GRID1: variants seen among roughly 807,000 people sequenced by gnomAD.
GRID1 encodes glutamate receptor ionotropic, delta-1.
Under a neutral mutation model 98.0 loss-of-function variants are expected in GRID1, and 28 were observed. The observed-to-expected ratio is 0.29, with a 90% confidence interval of 0.21 to 0.39. The LOEUF is 0.39. Among genes scored for constraint, GRID1 ranks in the 10% least tolerant of loss-of-function variants. The probability of loss-of-function intolerance (pLI) is 1.00; values close to 1 mark genes in which losing one functional copy is unlikely to be tolerated. For missense variants in GRID1, 1,111 were observed against 1,340.5 expected (o/e 0.83, Z 2.67); for synonymous variants, 553 against 538.5 (o/e 1.03, Z -0.37).
chr10:85,626,755 T>C (rs1842918897), intron 13 of GRID1, among the ~76,000 whole-genome samples: 1 of 152,148 alleles, frequency 6.6e-6, no homozygotes, highest in African/African-American at 2.4e-5. Context: ...CAGTGTTACC[T>C]GTATTATGTA....
At chr10:86,157,965 G>A (rs1845269305) in intron 3 of GRID1, among the ~76,000 whole-genome samples, 1 of 152,214 alleles carries the variant, frequency 6.6e-6, no homozygotes, top group African/African-American at 2.4e-5. Flanking sequence ...TGAGCCCCTG[G>A]AGCATGGAAC....
intron 12 of GRID1, among the ~76,000 whole-genome samples, chr10:85,667,409 A>G (rs1293608668): frequency 6.6e-6 from 1 of 152,244 alleles, no homozygotes; most frequent in Admixed American, 6.5e-5. Flanking sequence ...AAAAAAGAAT[A>G]AACACAAACA....
intron 8 of GRID1, among the ~76,000 whole-genome samples, chr10:85,733,070 T>C (rs546653598): frequency 2.0e-5 from 3 of 152,334 alleles, no homozygotes; most frequent in Non-Finnish European, 4.4e-5. Flanking sequence ...GTACACAGAA[T>C]GTCAATAGAT....
intron 4 of GRID1, among the ~76,000 whole-genome samples, chr10:86,073,566 A>T (rs1478192298): frequency 6.6e-6 from 1 of 152,180 alleles, no homozygotes; most frequent in Non-Finnish European, 1.5e-5. Context: ...GGAATGATCC[A>T]GGGGGTGAAG....
At chr10:86,125,556 G>A (rs1484979542) in intron 4 of GRID1, among the ~76,000 whole-genome samples, 1 of 152,224 alleles carries the variant, frequency 6.6e-6, no homozygotes, top group Non-Finnish European at 1.5e-5. Flanking sequence ...AAAAGAACAT[G>A]AGCTTCTGGC....
intron 8 of GRID1, among the ~76,000 whole-genome samples, chr10:85,759,286 G>A (rs3011703): frequency 0.61 from 93,012 of 151,930 alleles, 29,141 homozygotes; most frequent in East Asian, 0.87. Context: ...ATCCCAGTAT[G>A]ATGGACCATA....
At chr10:86,052,730 G>A (rs559889483) in intron 4 of GRID1, among the ~76,000 whole-genome samples, 2 of 152,286 alleles carry the variant, frequency 1.3e-5, no homozygotes, top group South Asian at 2.1e-4. Context: ...CAAACTCTGT[G>A]GAACTAAAGC....
intron 12 of GRID1, among the ~76,000 whole-genome samples, chr10:85,720,673 G>GA (rs138759929): frequency 0.034 from 4,960 of 144,406 alleles, 122 homozygotes; most frequent in Middle Eastern, 0.051. Context: ...GAAAAGAAGA[G>GA]AAAAAAAAAC....
intron 4 of GRID1, among the ~76,000 whole-genome samples, chr10:86,088,360 C>T (rs1456705566): frequency 2.0e-5 from 3 of 152,134 alleles, no homozygotes; most frequent in African/African-American, 7.2e-5. Flanking sequence ...AAATAAATAT[C>T]CCCCACTTGA....
In GRID1 at chr10:86,312,941, C is replaced by T. The variant is rs115878890; in HGVS notation, c.235+51000G>A. ...GAGGATCCCAAACTCAGGCACGCCT[C>T]AAGGATGCCTAGCATCTTGCAGAGC... On this transcript the variant is annotated intron_variant, in intron 2 of 15. Coordinates refer to ENST00000327946, the MANE Select transcript of GRID1 (RefSeq NM_017551.3). Among the ~76,000 whole-genome samples the T allele has an allele frequency of 4.7e-3, 710 of 152,332 alleles. 6 individuals are homozygous for T. The highest frequency in any genetic ancestry group is 0.016 in the African/African-American group (646 of 41,574).
At chr10:85,823,951 C>T (rs1247241720) in intron 8 of GRID1, among the ~76,000 whole-genome samples, 1 of 152,068 alleles carries the variant, frequency 6.6e-6, no homozygotes, top group Non-Finnish European at 1.5e-5. Context: ...AATAAACCTG[C>T]ATTGAAAGAA....
chr10:85,979,054 TG>T (rs1406577027), intron 4 of GRID1, among the ~76,000 whole-genome samples: 1 of 151,672 alleles, frequency 6.6e-6, no homozygotes, highest in East Asian at 1.9e-4. Flanking sequence ...TGTGGTGGGG[TG>T]GGGGGCTCTA....
At chr10:85,677,854 C>T (rs117462921) in intron 12 of GRID1, among the ~76,000 whole-genome samples, 4,884 of 152,142 alleles carry the variant, frequency 0.032, 129 homozygotes, top group Middle Eastern at 0.048. Flanking sequence ...AAGAGAGACA[C>T]GCTCCATTTT....
At chr10:85,681,761 C>G (rs897575923) in intron 12 of GRID1, among the ~76,000 whole-genome samples, 2 of 152,090 alleles carry the variant, frequency 1.3e-5, no homozygotes, top group East Asian at 3.9e-4. Flanking sequence ...CTCTCACTTC[C>G]CATATTAAAC....
At chr10:85,836,301 T>G (rs1167189043) in intron 8 of GRID1, among the ~76,000 whole-genome samples, 2 of 151,718 alleles carry the variant, frequency 1.3e-5, no homozygotes, top group African/African-American at 4.8e-5. Flanking sequence ...ATAGCTCCCA[T>G]GGAGGGATGG....
At chr10:86,294,866 G>A (rs7477858) in intron 2 of GRID1, among the ~76,000 whole-genome samples, 43 of 152,300 alleles carry the variant, frequency 2.8e-4, no homozygotes, top group Admixed American at 4.6e-4. Context: ...TTTTGAGGTC[G>A]GGAGATGAGA....
chr10:86,238,893 C>T (rs966257477), intron 2 of GRID1, among the ~76,000 whole-genome samples: 3 of 152,160 alleles, frequency 2.0e-5, no homozygotes, highest in Admixed American at 6.5e-5. Flanking sequence ...TCATGGAGAA[C>T]CACTACTAGG....
intron 4 of GRID1, among the ~76,000 whole-genome samples, chr10:86,048,235 AT>A (rs945743232): frequency 6.6e-6 from 1 of 151,924 alleles, no homozygotes; most frequent in African/African-American, 2.4e-5. Context: ...AGAGTACCAT[AT>A]TTTTTTTAAT....
chr10:86,356,241 T>A (rs575777397), intron 2 of GRID1, among the ~76,000 whole-genome samples: 1 of 152,300 alleles, frequency 6.6e-6, no homozygotes, highest in African/African-American at 2.4e-5. Context: ...CAGTGGGGTA[T>A]CAATGGGAGC....
Sources: gnomAD v4.1 joint callset for allele counts (sites outside exome capture counted in the v4.1 genomes callset) on GRCh38, gnomAD v4.1.1 for gene constraint, MANE v1.5 for transcripts, NCBI Gene and HGNC (gene_info 2026-07-23, HGNC 2026-07-21) for gene names.